The following PCDHA4 variants were observed in gnomAD, a reference collection of about 807,000 sequenced individuals.
PCDHA4 encodes protocadherin alpha 4.
In PCDHA4, 49 loss-of-function variants were observed where a neutral mutation model predicts 61.4. The observed-to-expected ratio is 0.80, with a 90% CI of 0.63 to 1.01. The LOEUF (loss-of-function observed/expected upper bound fraction) is 1.01, where lower values mean the gene tolerates loss of function less well. Ranked by LOEUF, PCDHA4 falls within the 50% of genes least tolerant of loss-of-function variation. The probability of loss-of-function intolerance (pLI) is 0.00; values close to 1 mark genes in which losing one functional copy is unlikely to be tolerated. For missense variants in PCDHA4, 1,254 were observed against 1,235.8 expected, an observed-to-expected ratio of 1.01 and a Z score of -0.22; for synonymous variants, 590 against 550.3, an observed-to-expected ratio of 1.07 and a Z score of -1.01.
At chr5:140,969,317 G>C in intron 1 of PCDHA4, 1 of 1,614,156 alleles carries the variant, frequency 6.2e-7, no homozygotes, top group African/African-American at 1.3e-5. Context: ...AAATGAGGCT[G>C]TTTCTCAAAA....
intron 1 of PCDHA4, among the ~76,000 whole-genome samples, chr5:140,905,308 T>C (rs1194215404): frequency 1.3e-5 from 2 of 152,120 alleles, no homozygotes; most frequent in African/African-American, 4.8e-5. Flanking sequence ...TTTCCACACT[T>C]TGTGTTTGTA....
At chr5:140,929,104 A>G in intron 1 of PCDHA4, 1 of 1,614,240 alleles carries the variant, frequency 6.2e-7, no homozygotes. Flanking sequence ...TCCTTGCATG[A>G]CATCAGCCAC....
At chr5:141,009,389 G>A (rs1234679148) in intron 3 of PCDHA4, among the ~76,000 whole-genome samples, 1 of 152,178 alleles carries the variant, frequency 6.6e-6, no homozygotes, top group Non-Finnish European at 1.5e-5. Context: ...AGCACAGGAG[G>A]TCGAGGCTGC....
At chr5:140,815,851 G>C (rs767605235) in intron 1 of PCDHA4, 4 of 152,088 alleles carry the variant, frequency 2.6e-5, no homozygotes, top group Non-Finnish European at 4.4e-5. Context: ...TGGTGGATTT[G>C]GTATTCTTGG....
At chr5:140,837,761 G>A (rs1274767174) in intron 1 of PCDHA4, among the ~76,000 whole-genome samples, 1 of 151,628 alleles carries the variant, frequency 6.6e-6, no homozygotes, top group Non-Finnish European at 1.5e-5. Context: ...ACTGCAACCT[G>A]AAAGTCCTGG....
At chr5:140,854,876 C>A (rs1221945079) in intron 1 of PCDHA4, among the ~76,000 whole-genome samples, 1 of 149,610 alleles carries the variant, frequency 6.7e-6, no homozygotes, top group Non-Finnish European at 1.5e-5. Context: ...AGAACTGTGT[C>A]TTTTGGGCAT....
chr5:140,813,911 A>G (rs1765400735), intron 1 of PCDHA4: 1 of 152,288 alleles, frequency 6.6e-6, no homozygotes, highest in Non-Finnish European at 1.5e-5. Flanking sequence ...AAGTGGGAGG[A>G]TCCTTGACTT....
At chr5:140,861,849 T>G (rs2047107514) in intron 1 of PCDHA4, 1 of 156,218 alleles carries the variant, frequency 6.4e-6, no homozygotes, top group Non-Finnish European at 1.4e-5. Flanking sequence ...CTACTCTTGG[T>G]GCTCAAAGCA....
In PCDHA4 at chr5:140,822,644, C is replaced by A. The variant is rs1183246252; in HGVS notation, c.2385+13072C>A. On this transcript the variant is annotated intron_variant, in intron 1 of 3. Transcript: ENST00000530339. ...AATCTTGTTCTTGACGATGTAAAGTCCAAATTTATAATTAATTCTAATACT... is the reference window on the plus strand; with the variant it reads ...AATCTTGTTCTTGACGATGTAAAGTACAAATTTATAATTAATTCTAATACT... 5 of 1,610,170 alleles carry A rather than the reference C, an allele frequency of 3.1e-6. No individual in the cohort carries two copies. The highest frequency in any genetic ancestry group is 4.2e-6 in the Non-Finnish European group (5 of 1,177,610).
At chr5:140,998,148 A>G (rs1229553205) in intron 3 of PCDHA4, among the ~76,000 whole-genome samples, 10 of 152,234 alleles carry the variant, frequency 6.6e-5, no homozygotes, top group Admixed American at 6.5e-4. Flanking sequence ...TGTACTGAAC[A>G]GTTAAGCCAT....
chr5:140,985,675 T>C (rs1477813786), intron 3 of PCDHA4, among the ~76,000 whole-genome samples: 1 of 151,998 alleles, frequency 6.6e-6, no homozygotes, highest in Non-Finnish European at 1.5e-5. Context: ...AAGTGGGGCC[T>C]GCCTTACGCT....
Position 140,809,200 on chromosome 5 carries a change from G to A in PCDHA4, c.2013G>A (p.Glu671=), listed in dbSNP as rs550017930. ...CCACTGTGCTGGTGTCACTTGTGGA[G>A]AGTGGACAGGCGCCAAAGGCCTCCT... ...ATATVLVSLV[E]SGQAPKASSR... The change falls in exon 1 of 4, where the codon GAG becomes GAA. Residue 671 remains glutamate (E), a synonymous_variant. Coordinates refer to ENST00000530339, the MANE Select transcript of PCDHA4 (RefSeq NM_018907.4). 6.2e-7 allele frequency: 1 copy of A among 1,614,078 alleles called. No homozygotes were observed. Among genetic ancestry groups the A allele is most frequent in the African/African-American group, 1.3e-5 (1 of 75,072 alleles).
At chr5:140,943,083 C>A (rs1444637785) in intron 1 of PCDHA4, among the ~76,000 whole-genome samples, 1 of 151,532 alleles carries the variant, frequency 6.6e-6, no homozygotes, top group African/African-American at 2.4e-5. Flanking sequence ...ATGGTGAAAT[C>A]CTGCCTCTAC....
chr5:140,989,685 A>G (rs1393246206), intron 3 of PCDHA4, among the ~76,000 whole-genome samples: 2 of 152,186 alleles, frequency 1.3e-5, no homozygotes, highest in Non-Finnish European at 2.9e-5. Context: ...TTTCAAAGGA[A>G]CGTGAAAATT....
At chr5:140,897,803 C>A (rs1285512803) in intron 1 of PCDHA4, among the ~76,000 whole-genome samples, 2 of 152,130 alleles carry the variant, frequency 1.3e-5, no homozygotes, top group Non-Finnish European at 2.9e-5. Flanking sequence ...AGAGTCCCAC[C>A]AACAGTGTAA....
rs1769955190 is a variant in PCDHA4 at position 140,828,794 on chromosome 5, G to A, written c.2385+19222G>A. On this transcript the variant is annotated intron_variant, in intron 1 of 3. Transcript: ENST00000530339. ...TCAGCTGCTGGTCACAGTGCTGGAT[G>A]TGAATGATAATGCTCCCACTTTCGA... is the stretch of plus-strand genomic sequence containing the variant. 1 of 1,614,124 alleles carries A rather than the reference G, an allele frequency of 6.2e-7. No individual in the cohort carries two copies. Among genetic ancestry groups the A allele is most frequent in the African/African-American group, 1.3e-5 (1 of 74,946 alleles).
In PCDHA4 at chr5:140,968,374, C is replaced by T. The variant is rs782537254; in HGVS notation, c.2386-10575C>T. On this transcript the variant is annotated intron_variant, in intron 1 of 3. Coordinates refer to ENST00000530339, the MANE Select transcript of PCDHA4 (RefSeq NM_018907.4). ...GTGGCAGCCTTTATGCTGTCAACTC[C>T]TTTGACTATGAGAAGTTTCGGGAGT... is the stretch of plus-strand genomic sequence containing the variant. 5.0e-6 allele frequency: 8 copies of T among 1,614,064 alleles called. No homozygotes were observed. The Admixed American group carries it at 1.0e-4, about 20-fold the overall frequency.
At chr5:140,963,159 C>T (rs971538193) in intron 1 of PCDHA4, among the ~76,000 whole-genome samples, 14 of 151,752 alleles carry the variant, frequency 9.2e-5, no homozygotes, top group Non-Finnish European at 1.9e-4. Flanking sequence ...AAAAATGACA[C>T]ATGCCATCTT....
chr5:140,836,027 C>A lies in PCDHA4; in HGVS notation c.2385+26455C>A. On this transcript the variant is annotated intron_variant, in intron 1 of 3. Coordinates refer to ENST00000530339, the MANE Select transcript of PCDHA4 (RefSeq NM_018907.4). ...CGGGCGTGCCGCCTCTGGGCAGCAA[C>A]GTGACGCTGCAGGTGTTCGTGCTGG... The A allele has an allele frequency of 1.9e-6, 3 of 1,613,456 alleles. No individual in the cohort carries two copies. The highest frequency in any genetic ancestry group is 1.3e-5 in the African/African-American group (1 of 75,020).
Sources: gnomAD v4.1 joint callset for allele counts (sites outside exome capture counted in the v4.1 genomes callset) on GRCh38, gnomAD v4.1.1 for gene constraint, MANE v1.5 for transcripts, NCBI Gene and HGNC (gene_info 2026-07-23, HGNC 2026-07-21) for gene names.